Variants in ZNF624 observed in about 807,000 individuals in gnomAD.
ZNF624 encodes the protein zinc finger protein 624.
A neutral mutation model predicts 74.7 loss-of-function variants in ZNF624; 43 were observed. The ratio of observed to expected loss-of-function variants is 0.58; its 90% CI spans 0.45 to 0.74. ZNF624 has a LOEUF of 0.74. Among genes scored for constraint, ZNF624 ranks in the 30% least tolerant of loss-of-function variants. The probability of loss-of-function intolerance (pLI) is 0.00; values close to 1 mark genes in which losing one functional copy is unlikely to be tolerated. For missense variants in ZNF624, 820 were observed against 1,030.0 expected (o/e 0.80, Z 2.79); for synonymous variants, 331 against 341.3 (o/e 0.97, Z 0.33).
downstream of ZNF624, among the ~76,000 whole-genome samples, chr17:16,616,522 C>T (rs183668042): frequency 1.1e-4 from 17 of 152,184 alleles, no homozygotes; most frequent in Admixed American, 9.2e-4. Flanking sequence ...ACAAAAAAAC[C>T]CTGCCAGCAG....
Position 16,622,977 on chromosome 17 carries a change from C to T in ZNF624, c.1909G>A (p.Val637Met). 1 of 1,614,028 alleles carries T rather than the reference C, an allele frequency of 6.2e-7. No homozygotes were observed. The highest frequency in any genetic ancestry group is 8.5e-7 in the Non-Finnish European group (1 of 1,179,960). The change falls in exon 6 of 6, where the codon GTG becomes ATG. Residue 637 changes from valine (V) to methionine (M), a missense_variant. By Grantham distance (21) the Val-to-Met change is conservative. Coordinates refer to ENST00000311331, the MANE Select transcript of ZNF624 (RefSeq NM_020787.4). ...LKEHQKIHTG[V>M]KPYKCYDCGK... Reference sequence around the variant, plus strand: ...CAGTCATAACATTTATAGGGTTTCACTCCAGTATGAATTTTCTGATGCTCC... The same window carrying T: ...CAGTCATAACATTTATAGGGTTTCATTCCAGTATGAATTTTCTGATGCTCC...
downstream of ZNF624, among the ~76,000 whole-genome samples, chr17:16,615,956 CATATATAT>C (rs56321425): frequency 3.9e-3 from 354 of 90,268 alleles, 1 homozygote; most frequent in South Asian, 0.015. Context: ...ATTCCATATA[CATATATAT>C]ATATATATAT....
downstream of ZNF624, chr17:16,617,886 G>A: frequency 6.4e-6 from 10 of 1,572,412 alleles, no homozygotes; most frequent in Non-Finnish European, 8.7e-6. Context: ...CGGCATGTCC[G>A]TGGCGGGCGG....
At position 16,623,831 on chromosome 17, in the gene ZNF624, C is replaced by A. The variant is rs1908992536; in HGVS notation, c.1055G>T (p.Arg352Ile). Reference sequence around the variant, plus strand: ...ATAAGGTTTCTCTTTAGTGTGAATTCTCTGATGTACCATAAGTGATGAAGA... The same window carrying A: ...ATAAGGTTTCTCTTTAGTGTGAATTATCTGATGTACCATAAGTGATGAAGA... ...IASSSLMVHQ[R>I]IHTKEKPYQC... Residue 352 changes from arginine to isoleucine, a missense_variant, in exon 6 of 6, where the codon AGA becomes ATA. Physicochemically the swap from Arg to Ile is moderately conservative, Grantham distance 97. Transcript: ENST00000311331. This position sits in a 1 kb window ranked among gnomAD's most constrained non-coding sequence, Gnocchi z 5.3. 2 of 1,613,920 alleles carry A rather than the reference C, an allele frequency of 1.2e-6. No homozygotes were observed. Among genetic ancestry groups the A allele is most frequent in the South Asian group, 1.1e-5 (1 of 91,042 alleles).
chr17:16,650,552 C>T (rs1167528445), intron 1 of ZNF624, among the ~76,000 whole-genome samples: 1 of 152,042 alleles, frequency 6.6e-6, no homozygotes, highest in Non-Finnish European at 1.5e-5. Context: ...TGGCAGAGAT[C>T]TTTTCCAGGG....
downstream of ZNF624, among the ~76,000 whole-genome samples, chr17:16,619,754 C>A (rs1908863453): frequency 1.3e-5 from 2 of 152,236 alleles, no homozygotes; most frequent in African/African-American, 4.8e-5. Flanking sequence ...GTTCTTTTGT[C>A]ATTTGAACCT....
In ZNF624 at chr17:16,649,831, G is replaced by A. The variant is rs895647483; in HGVS notation, c.-2-85C>T. The A allele has an allele frequency of 2.5e-5, 26 of 1,027,338 alleles. No individual in the cohort carries two copies. The African/African-American group carries it at 3.9e-4, about 16-fold the overall frequency. 63.6% of individuals were successfully genotyped at this position (1,027,338 alleles called of 1,614,324 possible). A position where few individuals can be genotyped will look rare whatever the true frequency, so the allele number is the denominator to read the frequency against. On this transcript the variant is annotated intron_variant, in intron 1 of 5. Transcript: ENST00000311331. ...AGTTGGAATCCTGACATACAAGTGA[G>A]CATGACCTCCCTAAGGAAGCACAAG... is the stretch of plus-strand genomic sequence containing the variant.
chr17:16,650,715 T>A (rs1909704569), intron 1 of ZNF624, among the ~76,000 whole-genome samples: 1 of 152,160 alleles, frequency 6.6e-6, no homozygotes, highest in African/African-American at 2.4e-5. Context: ...ACTAGCCTCA[T>A]GAATCTTTAT....
At chr17:16,615,128 C>T in the ZNF624 span, among the ~76,000 whole-genome samples, 8 of 152,142 alleles carry the variant, frequency 5.3e-5, no homozygotes, top group African/African-American at 1.7e-4. Context: ...GATGGAGTTT[C>T]GCTCTGTCGC....
downstream of ZNF624, chr17:16,616,753 C>G: frequency 1.4e-6 from 1 of 717,830 alleles, no homozygotes; most frequent in Non-Finnish European, 2.1e-6. Context: ...CAAGAGATTC[C>G]TCTTGCAGAA....
In ZNF624 at chr17:16,624,483, T is replaced by C; in HGVS notation, c.403A>G (p.Lys135Glu). ...GAAATAGCCTTTGTTCGTGTAGCCT[T>C]CTTGGTTGCAGGTTTGGGCTCCATG... is the stretch of plus-strand genomic sequence containing the variant. ...PDMEPKPATKKATRTKAISED... is the reference protein window; with the variant it reads ...PDMEPKPATKEATRTKAISED... The change falls in exon 6 of 6, where the codon AAG (lysine) becomes GAG (glutamate). Residue 135 changes from lysine to glutamate, a missense_variant. Physicochemically the swap from Lys to Glu is moderately conservative, Grantham distance 56. Coordinates refer to ENST00000311331, the MANE Select transcript of ZNF624 (RefSeq NM_020787.4). 2 of 1,574,736 alleles carry C rather than the reference T, an allele frequency of 1.3e-6. No individual in the cohort carries two copies. The highest frequency in any genetic ancestry group is 1.4e-5 in the African/African-American group (1 of 72,856).
chr17:16,615,273 A>G, the ZNF624 span, among the ~76,000 whole-genome samples: 1 of 151,904 alleles, frequency 6.6e-6, no homozygotes, highest in Non-Finnish European at 1.5e-5. Context: ...AATTTTTTGT[A>G]TTTTTAGCAG....
intron 3 of ZNF624, among the ~76,000 whole-genome samples, chr17:16,644,615 C>T (rs1436952188): frequency 6.6e-6 from 1 of 152,104 alleles, no homozygotes; most frequent in Non-Finnish European, 1.5e-5. Context: ...TAACATTAAG[C>T]CAGACTGATG....
Position 16,623,896 on chromosome 17 carries a change from T to C in ZNF624, c.990A>G (p.Lys330=), listed in dbSNP as rs1265025928. ...TTCCACATTCATTACATTTATAGGGTTTTTCTCCAGTGTGGATTTTTTTGT... is the reference window on the plus strand; with the variant it reads ...TTCCACATTCATTACATTTATAGGGCTTTTCTCCAGTGTGGATTTTTTTGT... ...SQHKKIHTGE[K]PYKCNECGKA... The change falls in exon 6 of 6, where the codon AAA becomes AAG. Residue 330 remains lysine (K), a synonymous_variant. Coordinates refer to ENST00000311331, the MANE Select transcript of ZNF624 (RefSeq NM_020787.4). The surrounding 1 kb of genome is among the most constrained non-coding windows in gnomAD (Gnocchi z 5.3). The C allele has an allele frequency of 6.2e-7, 1 of 1,613,892 alleles. No individual in the cohort carries two copies.
chr17:16,645,170 T>C (rs1280610630), intron 3 of ZNF624, among the ~76,000 whole-genome samples: 2 of 152,212 alleles, frequency 1.3e-5, no homozygotes, highest in Admixed American at 6.5e-5. Context: ...CTGGGTGCCA[T>C]GGCTCATGCC....
chr17:16,634,011 GC>G, intron 4 of ZNF624, 54 bp from the exon 5 acceptor site: 4 of 1,404,574 alleles, frequency 2.8e-6, no homozygotes, highest in Non-Finnish European at 3.0e-6. Context: ...AAGAACTCCT[GC>G]CAAATTCAGT....
chr17:16,619,235 A>C (rs574809163), downstream of ZNF624, among the ~76,000 whole-genome samples: 4 of 152,346 alleles, frequency 2.6e-5, no homozygotes, highest in East Asian at 7.7e-4. Flanking sequence ...TTTCAGATGG[A>C]TCATACACAT....
downstream of ZNF624, among the ~76,000 whole-genome samples, chr17:16,619,055 G>A (rs920291597): frequency 6.6e-6 from 1 of 152,036 alleles, no homozygotes; most frequent in Non-Finnish European, 1.5e-5. Flanking sequence ...AGCATACAAC[G>A]AGACATAGTC....
intron 3 of ZNF624, among the ~76,000 whole-genome samples, chr17:16,635,316 A>AT (rs1909302131): frequency 6.6e-6 from 1 of 152,174 alleles, no homozygotes; most frequent in Non-Finnish European, 1.5e-5. Context: ...CTGGATATGT[A>AT]TATGTATTAA....
Sources: gnomAD v4.1 joint callset for allele counts (sites outside exome capture counted in the v4.1 genomes callset) on GRCh38, gnomAD v4.1.1 for gene constraint, Gnocchi (gnomAD v3.1) non-coding constraint, MANE v1.5 for transcripts, NCBI Gene and HGNC (gene_info 2026-07-23, HGNC 2026-07-21) for gene names.